The following CPQ variants were observed in gnomAD, a reference collection of about 807,000 sequenced individuals.
CPQ encodes carboxypeptidase Q, also known as Ser-Met dipeptidase.
In CPQ, 37 loss-of-function variants were observed where a neutral mutation model predicts 45.7. The observed-to-expected ratio is 0.81, with a 90% CI of 0.62 to 1.07. CPQ has a LOEUF of 1.07. CPQ is among the 50% of genes least tolerant of loss of function. The pLI, the probability that CPQ is intolerant of heterozygous loss-of-function variation, is 0.00. For missense variants in CPQ, 537 were observed against 572.9 expected, an observed-to-expected ratio of 0.94 and a Z score of 0.64; for synonymous variants, 186 against 205.8, an observed-to-expected ratio of 0.90 and a Z score of 0.82.
At chr8:96,954,989 G>T (rs112478782) in intron 4 of CPQ, among the ~76,000 whole-genome samples, 1 of 152,038 alleles carries the variant, frequency 6.6e-6, no homozygotes, top group Non-Finnish European at 1.5e-5. Flanking sequence ...TCTTAATCCA[G>T]TCTATCATTG....
chr8:96,676,436 T>C (rs1809077526), intron 1 of CPQ, among the ~76,000 whole-genome samples: 1 of 152,032 alleles, frequency 6.6e-6, no homozygotes. Flanking sequence ...TTATTTCACT[T>C]AACATAACGA....
intron 6 of CPQ, among the ~76,000 whole-genome samples, chr8:97,049,636 G>T (rs1182337477): frequency 6.6e-6 from 1 of 152,102 alleles, no homozygotes; most frequent in African/African-American, 2.4e-5. Flanking sequence ...TTGATTTAAG[G>T]ATCGTCAATT....
At chr8:96,871,320 C>T (rs373197725) in intron 3 of CPQ, among the ~76,000 whole-genome samples, 3 of 152,058 alleles carry the variant, frequency 2.0e-5, no homozygotes, top group South Asian at 4.1e-4. Context: ...ATCAAGAAAA[C>T]ATTAGCTTTG....
At chr8:97,002,886 T>C (rs1179117252) in intron 5 of CPQ, among the ~76,000 whole-genome samples, 1 of 152,138 alleles carries the variant, frequency 6.6e-6, no homozygotes, top group Non-Finnish European at 1.5e-5. Flanking sequence ...ATTATTGTGG[T>C]GCAGTCTAAG....
chr8:96,772,022 A>G (rs1278962866), intron 1 of CPQ, among the ~76,000 whole-genome samples: 1 of 152,080 alleles, frequency 6.6e-6, no homozygotes, highest in Admixed American at 6.6e-5. Context: ...GTGTTATCAG[A>G]GGTATAAGTA....
intron 1 of CPQ, among the ~76,000 whole-genome samples, chr8:96,701,947 T>C (rs1385517174): frequency 6.6e-6 from 1 of 152,194 alleles, no homozygotes; most frequent in Non-Finnish European, 1.5e-5. Context: ...GAGATGCCTG[T>C]GGGAGGTTTG....
At chr8:97,082,815 C>T (rs1810973972) in intron 7 of CPQ, among the ~76,000 whole-genome samples, 1 of 152,154 alleles carries the variant, frequency 6.6e-6, no homozygotes, top group African/African-American at 2.4e-5. Flanking sequence ...TTTCCTTACC[C>T]ATACAAGTGA....
At chr8:96,736,556 C>T (rs558006822) in intron 1 of CPQ, among the ~76,000 whole-genome samples, 11 of 152,286 alleles carry the variant, frequency 7.2e-5, no homozygotes, top group African/African-American at 1.9e-4. Flanking sequence ...GCTCCACTCA[C>T]AGCTGGTAAA....
At chr8:96,707,386 C>T (rs977661867) in intron 1 of CPQ, among the ~76,000 whole-genome samples, 9 of 152,146 alleles carry the variant, frequency 5.9e-5, no homozygotes, top group African/African-American at 1.9e-4. Flanking sequence ...CAAGTATCTA[C>T]TTCAAGCTTG....
chr8:97,051,279 T>C lies in CPQ; in HGVS notation c.1054-14730T>C, dbSNP rs562318750. ...TTTTGAATGCATAAAATAAAATGCATAGTATTACAAGGATATGAATTTTAT... is the reference window on the plus strand; with the variant it reads ...TTTTGAATGCATAAAATAAAATGCACAGTATTACAAGGATATGAATTTTAT... On this transcript the variant is annotated intron_variant, in intron 6 of 7. Transcript: ENST00000220763. Among the ~76,000 whole-genome samples the C allele has an allele frequency of 2.6e-5, 4 of 152,306 alleles. No homozygotes were observed. In the South Asian group the frequency reaches 8.3e-4, roughly 32 times the overall value.
At chr8:96,995,109 G>A (rs1809156343) in intron 5 of CPQ, among the ~76,000 whole-genome samples, 1 of 152,006 alleles carries the variant, frequency 6.6e-6, no homozygotes. Flanking sequence ...GACTATCCAG[G>A]TTTGAACACC....
chr8:97,091,988 T>C lies in CPQ; in HGVS notation c.1255+25778T>C, dbSNP rs574264108. On this transcript the variant is annotated intron_variant, in intron 7 of 7. Coordinates refer to ENST00000220763, the MANE Select transcript of CPQ (RefSeq NM_016134.4). ...CCTAAATGCCTCTGGTACCAATAAC[T>C]GACAAAACACATGATTCCTACCATT... is the stretch of plus-strand genomic sequence containing the variant. 1.3e-3 allele frequency among the ~76,000 whole-genome samples: 192 copies of C among 152,274 alleles called. 1 individual carries two copies. The South Asian group carries it at 0.013, about 10-fold the overall frequency.
chr8:97,023,018 GTATA>G (rs566006988), intron 5 of CPQ, among the ~76,000 whole-genome samples: 1 of 140,820 alleles, frequency 7.1e-6, no homozygotes, highest in Admixed American at 7.0e-5. Flanking sequence ...ACTATATATA[GTATA>G]TATATACAGT....
chr8:96,895,427 A>G (rs748303200), intron 4 of CPQ, among the ~76,000 whole-genome samples: 1 of 152,168 alleles, frequency 6.6e-6, no homozygotes, highest in African/African-American at 2.4e-5. Context: ...CTTGAAACAG[A>G]ATTTTTAATG....
At chr8:96,716,988 G>A (rs570418419) in intron 1 of CPQ, among the ~76,000 whole-genome samples, 200 of 127,764 alleles carry the variant, frequency 1.6e-3, no homozygotes, top group Middle Eastern at 5.1e-3. Flanking sequence ...TCATTATTCC[G>A]TTCCTTTTTA....
At chr8:96,877,037 A>G (rs1812155237) in intron 3 of CPQ, among the ~76,000 whole-genome samples, 1 of 152,188 alleles carries the variant, frequency 6.6e-6, no homozygotes, top group Non-Finnish European at 1.5e-5. Flanking sequence ...TAGATTAGTT[A>G]TGGCTTCCTT....
intron 1 of CPQ, among the ~76,000 whole-genome samples, chr8:96,649,143 A>AT (rs149781791): frequency 6.6e-6 from 1 of 152,058 alleles, no homozygotes; most frequent in Non-Finnish European, 1.5e-5. Context: ...AGCCTGGCTA[A>AT]TTTTTTTATT....
chr8:97,116,243 C>A (rs930406807), intron 7 of CPQ, among the ~76,000 whole-genome samples: 2 of 152,140 alleles, frequency 1.3e-5, no homozygotes, highest in African/African-American at 4.8e-5. Flanking sequence ...CTAGGCATAT[C>A]CCTCATGAAG....
chr8:96,819,025 G>A (rs1187707020), intron 2 of CPQ, among the ~76,000 whole-genome samples: 1 of 151,840 alleles, frequency 6.6e-6, no homozygotes, highest in Admixed American at 6.6e-5. Context: ...CTTTTCAGCT[G>A]GTTACATTAC....
Sources: gnomAD v4.1 joint callset for allele counts (sites outside exome capture counted in the v4.1 genomes callset) on GRCh38, gnomAD v4.1.1 for gene constraint, MANE v1.5 for transcripts, NCBI Gene and HGNC (gene_info 2026-07-23, HGNC 2026-07-21) for gene names.